Variants in TLR2 observed in about 807,000 individuals in gnomAD.
TLR2 encodes the protein toll-like receptor 2.
Under a neutral mutation model 9.1 loss-of-function variants are expected in TLR2, and 7 were observed. That is an observed-to-expected ratio of 0.77 (90% CI 0.44 to 1.44). The LOEUF is 1.44. Among genes scored for constraint, TLR2 ranks in the 40% most tolerant of loss-of-function variants. The pLI is 0.01. For synonymous variants in TLR2, 317 were observed against 344.6 expected, an observed-to-expected ratio of 0.92 and a Z score of 0.89; for missense variants, 812 against 904.6, an observed-to-expected ratio of 0.90 and a Z score of 1.31.
chr4:153,691,046 G>A (rs1299607346), intron 2 of TLR2, among the ~76,000 whole-genome samples: 1 of 152,218 alleles, frequency 6.6e-6, no homozygotes, highest in African/African-American at 2.4e-5. Context: ...ATCAAAAGCA[G>A]TCAATACCTC....
At chr4:153,685,939 G>A (rs1243778414) in intron 1 of TLR2, among the ~76,000 whole-genome samples, 3 of 152,188 alleles carry the variant, frequency 2.0e-5, no homozygotes, top group African/African-American at 7.2e-5. Flanking sequence ...TGGTTCTGGA[G>A]TCTGGGAAGT....
At chr4:153,698,996 T>C (rs941076987) in intron 2 of TLR2, among the ~76,000 whole-genome samples, 6 of 152,166 alleles carry the variant, frequency 3.9e-5, no homozygotes, top group Admixed American at 6.5e-5. Flanking sequence ...AGTTAAATTA[T>C]TCCAGAAACT....
intron 2 of TLR2, among the ~76,000 whole-genome samples, chr4:153,701,191 C>G (rs946461367): frequency 6.6e-6 from 1 of 152,170 alleles, no homozygotes; most frequent in Admixed American, 6.5e-5. Context: ...CCCATTGTAA[C>G]AGTACTAATC....
chr4:153,701,473 T>G (rs1736883486), intron 2 of TLR2: 1 of 152,206 alleles, frequency 6.6e-6, no homozygotes, highest in Non-Finnish European at 1.5e-5. Flanking sequence ...CTTTATAAAT[T>G]ACTTGGTCTC....
At position 153,704,576 on chromosome 4, in the gene TLR2, G is replaced by C. The variant is rs1014889913; in HGVS notation, c.1669G>C (p.Asp557His). Residue 557 changes from aspartate (D) to histidine (H), a missense_variant, in exon 3 of 3, where the codon GAT (aspartate) becomes CAT (histidine). Coordinates refer to ENST00000642700, the MANE Select transcript of TLR2 (RefSeq NM_001318789.2). ...EQQALAKVLI[D>H]WPANYLCDSP... ...GCAAGCACTGGCCAAAGTCTTGATTGATTGGCCAGCAAATTACCTGTGTGA... is the reference window on the plus strand; with the variant it reads ...GCAAGCACTGGCCAAAGTCTTGATTCATTGGCCAGCAAATTACCTGTGTGA... The C allele has an allele frequency of 1.2e-6, 2 of 1,613,538 alleles. No homozygotes were observed. Among genetic ancestry groups the C allele is most frequent in the African/African-American group, 1.3e-5 (1 of 74,776 alleles).
Sources: allele counts gnomAD v4.1 joint callset (sites outside exome capture counted in the v4.1 genomes callset), GRCh38; gene constraint gnomAD v4.1.1; transcripts MANE v1.5; gene names NCBI Gene and HGNC (gene_info 2026-07-23, HGNC 2026-07-21).